CHODL: variants seen among roughly 807,000 people sequenced by gnomAD.
CHODL encodes the protein chondrolectin, also known as transmembrane protein MT75.
CHODL carries 29 observed loss-of-function variants against 34.5 expected under a neutral mutation model. That is an observed-to-expected ratio of 0.84 (90% CI 0.63 to 1.15). The LOEUF is 1.15. Among genes scored for constraint, CHODL ranks in the 50% most tolerant of loss-of-function variants. The pLI is 0.00. For missense variants in CHODL, 332 were observed against 332.5 expected, an observed-to-expected ratio of 1.00 and a Z score of 0.01; for synonymous variants, 125 against 116.1, an observed-to-expected ratio of 1.08 and a Z score of -0.49.
At chr21:18,110,471 C>T (rs2065334447) in intron 2 of CHODL, among the ~76,000 whole-genome samples, 1 of 152,062 alleles carries the variant, frequency 6.6e-6, no homozygotes, top group Admixed American at 6.6e-5. Context: ...TTGGAATGCT[C>T]CTTTTTGGGA....
chr21:18,024,911 C>T (rs2064159850), intron 1 of CHODL, among the ~76,000 whole-genome samples: 1 of 152,154 alleles, frequency 6.6e-6, no homozygotes, highest in African/African-American at 2.4e-5. Flanking sequence ...CAAGCCAGAA[C>T]TATTTGCATT....
chr21:18,043,334 A>T (rs158041), intron 2 of CHODL, among the ~76,000 whole-genome samples: 20,304 of 152,016 alleles, frequency 0.13, 2,037 homozygotes, highest in East Asian at 0.5. Context: ...GTGGTTTGTA[A>T]GTGAAGTCTG....
intron 1 of CHODL, among the ~76,000 whole-genome samples, chr21:17,997,670 T>C (rs1434778110): frequency 6.6e-6 from 1 of 152,156 alleles, no homozygotes; most frequent in Admixed American, 6.5e-5. Flanking sequence ...TACATGGTGG[T>C]GGCAAGAGAA....
At chr21:18,193,697 GAAAA>G (rs1015005875) in intron 2 of CHODL, among the ~76,000 whole-genome samples, 19 of 74,216 alleles carry the variant, frequency 2.6e-4, no homozygotes, top group Non-Finnish European at 1.9e-4. Context: ...CTCTGTCTCA[GAAAA>G]AAAAAAAAAT....
chr21:17,999,398 AAG>A (rs1420934490), intron 1 of CHODL, among the ~76,000 whole-genome samples: 1 of 152,176 alleles, frequency 6.6e-6, no homozygotes, highest in Non-Finnish European at 1.5e-5. Flanking sequence ...CCCAGTTCCA[AAG>A]TCACTTCCAC....
intron 2 of CHODL, among the ~76,000 whole-genome samples, chr21:18,153,544 G>T (rs1309982468): frequency 1.3e-5 from 2 of 151,630 alleles, no homozygotes; most frequent in African/African-American, 4.9e-5. Flanking sequence ...CTTTTTCCCT[G>T]CTTTTAAGGA....
chr21:18,047,363 T>A (rs1313681941), intron 2 of CHODL, among the ~76,000 whole-genome samples: 1 of 152,004 alleles, frequency 6.6e-6, no homozygotes, highest in African/African-American at 2.4e-5. Context: ...GACTACAGAG[T>A]GCAGAGGCCA....
intron 2 of CHODL, among the ~76,000 whole-genome samples, chr21:18,219,065 G>A (rs1025656216): frequency 1.9e-4 from 29 of 152,066 alleles, no homozygotes; most frequent in African/African-American, 6.0e-4. Context: ...TTCCAAAGTC[G>A]CTTCCACATT....
intron 1 of CHODL, among the ~76,000 whole-genome samples, chr21:17,949,506 A>G (rs1307055428): frequency 6.6e-6 from 1 of 152,156 alleles, no homozygotes; most frequent in African/African-American, 2.4e-5. Context: ...GGGGTAAAAA[A>G]GTGGGGAAGA....
In CHODL at chr21:18,022,147, C is replaced by G. The variant is rs145446884; in HGVS notation, c.-144-5725C>G. Among the ~76,000 whole-genome samples the G allele has an allele frequency of 2.0e-5, 3 of 152,286 alleles. No homozygotes were observed. In the East Asian group the frequency reaches 5.8e-4, roughly 29 times the overall value. ...ACTTGAGGGTGTTAAACAGCAGACACTTATTCACTCACATTTTTACAGGCT... is the reference window on the plus strand; with the variant it reads ...ACTTGAGGGTGTTAAACAGCAGACAGTTATTCACTCACATTTTTACAGGCT... On this transcript the variant is annotated intron_variant, in intron 1 of 6. Transcript: ENST00000400127.
chr21:18,106,103 A>G (rs552123188), intron 2 of CHODL, among the ~76,000 whole-genome samples: 1 of 152,342 alleles, frequency 6.6e-6, no homozygotes, highest in East Asian at 1.9e-4. Context: ...GCATTCTGCA[A>G]TTAACAATGG....
intron 1 of CHODL, among the ~76,000 whole-genome samples, chr21:18,025,106 T>A (rs1293168456): frequency 6.6e-6 from 1 of 152,186 alleles, no homozygotes; most frequent in Non-Finnish European, 1.5e-5. Flanking sequence ...TTGTTCTTGA[T>A]TCTGCTAATC....
intron 2 of CHODL, among the ~76,000 whole-genome samples, chr21:18,185,836 A>T (rs2073434036): frequency 6.6e-6 from 1 of 152,176 alleles, no homozygotes; most frequent in South Asian, 2.1e-4. Context: ...CACTAACCTT[A>T]TATGGTAGAA....
chr21:18,229,889 AAAG>A (rs777970026), intron 2 of CHODL, among the ~76,000 whole-genome samples: 8 of 152,140 alleles, frequency 5.3e-5, no homozygotes, highest in Non-Finnish European at 8.8e-5. Context: ...TAATCTTCGC[AAAG>A]AAGAAGTTTC....
intron 1 of CHODL, among the ~76,000 whole-genome samples, chr21:17,952,194 C>CAAAAAAAAAAAAAAAA (rs58511535): frequency 1.2e-5 from 1 of 80,374 alleles, no homozygotes. Flanking sequence ...TACTATGTCT[C>CAAAAAAAAAAAAAAAA]AAAAAAAAAA....
At chr21:18,070,289 G>A (rs118082289) in intron 2 of CHODL, among the ~76,000 whole-genome samples, 5 of 151,924 alleles carry the variant, frequency 3.3e-5, no homozygotes, top group Non-Finnish European at 1.5e-5. Flanking sequence ...TAACATTAAT[G>A]TATTGAGTCT....
At chr21:17,969,402 T>C (rs908813364) in intron 1 of CHODL, among the ~76,000 whole-genome samples, 2 of 152,186 alleles carry the variant, frequency 1.3e-5, no homozygotes, top group Non-Finnish European at 2.9e-5. Flanking sequence ...AATGCTAACA[T>C]TGTATTATGA....
chr21:18,036,042 A>G (rs2064305066), intron 2 of CHODL, among the ~76,000 whole-genome samples: 1 of 152,026 alleles, frequency 6.6e-6, no homozygotes, highest in Admixed American at 6.6e-5. Context: ...TCCTATAAGT[A>G]TTCTTGAACT....
intron 2 of CHODL, among the ~76,000 whole-genome samples, chr21:18,101,186 C>G (rs1451559699): frequency 6.6e-6 from 1 of 152,078 alleles, no homozygotes; most frequent in Non-Finnish European, 1.5e-5. Flanking sequence ...ACGGGAGTTT[C>G]TCTGCACTAG....
Sources: gnomAD v4.1 joint callset for allele counts (sites outside exome capture counted in the v4.1 genomes callset) on GRCh38, gnomAD v4.1.1 for gene constraint, MANE v1.5 for transcripts, NCBI Gene and HGNC (gene_info 2026-07-23, HGNC 2026-07-21) for gene names.